Variants in FAM153A observed in about 807,000 individuals in gnomAD.
FAM153A encodes protein FAM153A.
Under a neutral mutation model 48.1 loss-of-function variants are expected in FAM153A, and 12 were observed. That is an observed-to-expected ratio of 0.25 (90% CI 0.16 to 0.40). The LOEUF (loss-of-function observed/expected upper bound fraction) is 0.40. Ranked by LOEUF, FAM153A falls within the 10% of genes least tolerant of loss-of-function variation. FAM153A has a pLI of 1.00. For synonymous variants in FAM153A, 36 were observed against 118.2 expected (o/e 0.30, Z 4.51); for missense variants, 111 against 345.8 (o/e 0.32, Z 5.38).
At chr5:177,781,653 T>A (rs1769675914), upstream of FAM153A, 1 of 98,028 alleles carries the variant, frequency 1.0e-5, no homozygotes, top group Non-Finnish European at 2.2e-5. Flanking sequence ...GATACGGATG[T>A]AAAACGGACA....
At chr5:177,728,359 G>A (rs1393828195) in intron 18 of FAM153A, among the ~76,000 whole-genome samples, 18 of 149,596 alleles carry the variant, frequency 1.2e-4, no homozygotes, top group Non-Finnish European at 2.4e-4. Flanking sequence ...TGATCCTCGT[G>A]TTGTGCTTTG....
chr5:177,737,517 T>TTTA (rs908698160), intron 10 of FAM153A, among the ~76,000 whole-genome samples: 3 of 150,476 alleles, frequency 2.0e-5, no homozygotes, highest in Non-Finnish European at 4.4e-5. Flanking sequence ...CCCTCCTAGA[T>TTTA]TTATTATTAT....
rs1326793039 is a variant in FAM153A, at chr5:177,758,427, T to TC, written c.-56-9729dup. On this transcript the variant is annotated intron_variant, in intron 1 of 8. Transcript: ENST00000393518. The stretch of plus-strand genomic sequence containing the variant: ...AAGGTAATTTATAGATTCAATGCCA[T>TC]CCCCGTCAATCTACCAATGACTTTC... Among the ~76,000 whole-genome samples, 21 of 146,992 alleles carry TC rather than the reference T, an allele frequency of 1.4e-4. No homozygotes were observed. In the East Asian group the frequency reaches 4.0e-3, roughly 28 times the overall value.
intron 4 of FAM153A, among the ~76,000 whole-genome samples, chr5:177,745,790 C>A (rs1399458489): frequency 5.3e-4 from 80 of 150,726 alleles, no homozygotes; most frequent in African/African-American, 1.9e-3. Context: ...TGATTATTGT[C>A]TGCTTTTGAA....
chr5:177,710,888 G>T (rs1333046001), downstream of FAM153A, among the ~76,000 whole-genome samples: 1 of 148,358 alleles, frequency 6.7e-6, no homozygotes, highest in Non-Finnish European at 1.5e-5. Context: ...GACCTCAGGT[G>T]ATCCACCCTC....
downstream of FAM153A, among the ~76,000 whole-genome samples, chr5:177,708,554 G>T (rs1177654398): frequency 6.6e-6 from 1 of 151,616 alleles, no homozygotes; most frequent in African/African-American, 2.4e-5. Flanking sequence ...TCCAGCCTGG[G>T]CAACAAGAGC....
chr5:177,755,585 C>G (rs9800031), upstream of FAM153A, among the ~76,000 whole-genome samples: 86,873 of 151,294 alleles, frequency 0.57, 25,256 homozygotes, highest in African/African-American at 0.62. Flanking sequence ...CAGCCAGAGA[C>G]AAAGGTCGGG....
chr5:177,707,435 T>A (rs1444045299), downstream of FAM153A, among the ~76,000 whole-genome samples: 1 of 151,694 alleles, frequency 6.6e-6, no homozygotes, highest in African/African-American at 2.4e-5. Flanking sequence ...AAAACATTTC[T>A]TGGAAAAAAA....
chr5:177,738,560 T>TAGTA (rs916449350), intron 10 of FAM153A, among the ~76,000 whole-genome samples: 1 of 151,234 alleles, frequency 6.6e-6, no homozygotes, highest in Non-Finnish European at 1.5e-5. Context: ...TACTTCAGAG[T>TAGTA]AGTAGCCCAT....
chr5:177,719,464 A>AGG (rs1760656665), downstream of FAM153A, among the ~76,000 whole-genome samples: 1 of 150,954 alleles, frequency 6.6e-6, no homozygotes, highest in African/African-American at 2.5e-5. Flanking sequence ...AGAGAGAAAA[A>AGG]GGGAGGGAGG....
chr5:177,714,306 C>T (rs1170228637), intron 25 of FAM153A: 1 of 149,050 alleles, frequency 6.7e-6, no homozygotes, highest in Admixed American at 6.9e-5. Flanking sequence ...CCTAAGTTTT[C>T]CCAGGCTATT....
chr5:177,776,507 T>A lies in FAM153A; in HGVS notation c.-57+3942A>T. On this transcript the variant is annotated intron_variant, in intron 1 of 8. Coordinates refer to the FAM153A transcript ENST00000393518. ...AGCCAAATCATGGGTGAACTCCCAT[T>A]CACAATTGCTTCAAAGAGAATAAAA... Among the ~76,000 whole-genome samples, 2 of 64,324 alleles carry A rather than the reference T, an allele frequency of 3.1e-5. 1 individual carries two copies. Among genetic ancestry groups the A allele is most frequent in the Non-Finnish European group, 6.0e-5 (2 of 33,454 alleles). 42.2% of individuals were successfully genotyped at this position (64,324 alleles called of 152,430 possible). A position where few individuals can be genotyped will look rare whatever the true frequency, so the allele number is the denominator to read the frequency against.
chr5:177,759,835 G>A (rs933399421), intron 1 of FAM153A, among the ~76,000 whole-genome samples: 1 of 151,758 alleles, frequency 6.6e-6, no homozygotes. Context: ...GATAGCATTA[G>A]GAGATATACT....
intron 6 of FAM153A, among the ~76,000 whole-genome samples, chr5:177,743,191 T>TTTCTTTTTG (rs758653731): frequency 0.029 from 1,378 of 48,102 alleles, no homozygotes; most frequent in Middle Eastern, 0.081. Context: ...CATTCACTTG[T>TTTCTTTTTG]TTTTTTTTTG....
the FAM153A span, among the ~76,000 whole-genome samples, chr5:177,695,850 G>A: frequency 1.3e-5 from 2 of 151,006 alleles, 1 homozygote; most frequent in South Asian, 4.2e-4. Flanking sequence ...AGGCCGGGCA[G>A]AGGCACTCCT....
chr5:177,702,276 G>A, the FAM153A span, among the ~76,000 whole-genome samples: 133 of 151,858 alleles, frequency 8.8e-4, no homozygotes, highest in Admixed American at 1.6e-3. Flanking sequence ...CTGCCATAGG[G>A]ATCTGTGGAA....
downstream of FAM153A, among the ~76,000 whole-genome samples, chr5:177,710,697 A>G (rs905938204): frequency 3.5e-5 from 5 of 142,750 alleles, no homozygotes; most frequent in Non-Finnish European, 7.6e-5. Flanking sequence ...GGATCACCTG[A>G]GGTCAGGAGT....
chr5:177,738,866 C>G (rs536547245), intron 10 of FAM153A, among the ~76,000 whole-genome samples: 4 of 151,664 alleles, frequency 2.6e-5, no homozygotes, highest in African/African-American at 9.7e-5. Flanking sequence ...TACATAGACT[C>G]TCTTCTTATA....
exon 25 of FAM153A, chr5:177,716,367 A>G (rs777218697): frequency 1.3e-5 from 2 of 151,956 alleles, no homozygotes; most frequent in Non-Finnish European, 2.9e-5. Flanking sequence ...CCAATCTTCA[A>G]AAGAATTTTA....
Sources: gnomAD v4.1 joint callset for allele counts (sites outside exome capture counted in the v4.1 genomes callset) on GRCh38, gnomAD v4.1.1 for gene constraint, MANE v1.5 for transcripts, NCBI Gene and HGNC (gene_info 2026-07-23, HGNC 2026-07-21) for gene names.